NELL2: variants seen among roughly 807,000 people sequenced by gnomAD.
NELL2 encodes protein kinase C-binding protein NELL2.
A neutral mutation model predicts 109.6 loss-of-function variants in NELL2; 41 were observed. That is an observed-to-expected ratio of 0.37 (90% CI 0.29 to 0.49). The LOEUF (loss-of-function observed/expected upper bound fraction) is 0.49, where lower values mean the gene tolerates loss of function less well. Ranked by LOEUF, NELL2 falls within the 20% of genes least tolerant of loss-of-function variation. The pLI is 0.98. For synonymous variants in NELL2, 355 were observed against 344.7 expected (o/e 1.03, Z -0.33); for missense variants, 900 against 1,008.3 (o/e 0.89, Z 1.45).
intron 3 of NELL2, among the ~76,000 whole-genome samples, chr12:44,796,923 AATG>A (rs1429851725): frequency 1.3e-5 from 2 of 152,118 alleles, no homozygotes; most frequent in Non-Finnish European, 2.9e-5. Context: ...TATTATTCTT[AATG>A]ATGAGGCCAG....
intron 13 of NELL2, among the ~76,000 whole-genome samples, chr12:44,647,414 C>G (rs976581671): frequency 6.6e-6 from 1 of 152,296 alleles, no homozygotes; most frequent in South Asian, 2.1e-4. Context: ...TGAGATTTAG[C>G]TTTCTCATCT....
intron 2 of NELL2, among the ~76,000 whole-genome samples, chr12:44,850,614 G>A (rs2710453): frequency 0.85 from 129,053 of 152,122 alleles, 54,975 homozygotes; most frequent in Middle Eastern, 0.95. Context: ...AAAAGTTAAC[G>A]TCAGAAACAT....
chr12:44,672,249 C>T (rs1299578409), intron 12 of NELL2, among the ~76,000 whole-genome samples: 2 of 152,182 alleles, frequency 1.3e-5, no homozygotes, highest in Non-Finnish European at 2.9e-5. Context: ...GGAAGTGGGC[C>T]GCACAGCAGG....
intron 13 of NELL2, among the ~76,000 whole-genome samples, chr12:44,642,967 G>A (rs557554643): frequency 6.6e-6 from 1 of 152,234 alleles, no homozygotes; most frequent in Non-Finnish European, 1.5e-5. Context: ...AAAGCACGAA[G>A]ATACATACCC....
chr12:44,660,563 G>T (rs949909687), intron 13 of NELL2, among the ~76,000 whole-genome samples: 10 of 152,118 alleles, frequency 6.6e-5, no homozygotes, highest in African/African-American at 2.4e-4. Context: ...ATATTTTCAA[G>T]TATCCTTTGT....
intron 12 of NELL2, among the ~76,000 whole-genome samples, chr12:44,684,768 C>T (rs1948655717): frequency 6.6e-6 from 1 of 152,146 alleles, no homozygotes; most frequent in Non-Finnish European, 1.5e-5. Context: ...TTTGATTGCA[C>T]TGTGGTCTGA....
intron 12 of NELL2, among the ~76,000 whole-genome samples, chr12:44,703,471 G>A (rs1937670937): frequency 6.6e-6 from 1 of 152,128 alleles, no homozygotes; most frequent in Admixed American, 6.5e-5. Context: ...TGAAAAAAAA[G>A]AAGGCAATTT....
intron 15 of NELL2, among the ~76,000 whole-genome samples, chr12:44,547,713 T>G (rs926330346): frequency 6.6e-6 from 1 of 152,162 alleles, no homozygotes; most frequent in African/African-American, 2.4e-5. Context: ...AAGAAGATGG[T>G]CAAGGCAATC....
intron 1 of NELL2, among the ~76,000 whole-genome samples, chr12:44,912,075 G>A (rs1197817598): frequency 6.6e-6 from 1 of 151,892 alleles, no homozygotes; most frequent in African/African-American, 2.4e-5. Flanking sequence ...TGTGTTGGGG[G>A]AGGGTAGTAC....
intron 12 of NELL2, among the ~76,000 whole-genome samples, chr12:44,689,092 C>T (rs193056187): frequency 6.6e-6 from 1 of 152,242 alleles, no homozygotes; most frequent in East Asian, 1.9e-4. Flanking sequence ...TCAAAGTCTC[C>T]CCAATTACTT....
At chr12:44,820,002 C>A (rs549172608) in intron 2 of NELL2, among the ~76,000 whole-genome samples, 1 of 152,166 alleles carries the variant, frequency 6.6e-6, no homozygotes, top group East Asian at 1.9e-4. Context: ...TCAGGATGGT[C>A]TCCTCACCTG....
chr12:44,638,837 A>C (rs1946742271), intron 13 of NELL2, among the ~76,000 whole-genome samples: 1 of 152,200 alleles, frequency 6.6e-6, no homozygotes, highest in Admixed American at 6.5e-5. Flanking sequence ...ATAAATTGGC[A>C]TGAGTTAGAA....
At chr12:44,876,915 G>C (rs1315456446), upstream of NELL2, 2 of 1,246,262 alleles carry the variant, frequency 1.6e-6, no homozygotes, top group African/African-American at 1.5e-5. Context: ...TTCCCTGCCG[G>C]GGGCGGGGCG....
chr12:44,520,266 G>C, intron 18 of NELL2, 37 bp from the exon 19 acceptor site: 2 of 1,546,604 alleles, frequency 1.3e-6, no homozygotes, highest in Non-Finnish European at 1.8e-6. Flanking sequence ...CAGAGGGAGA[G>C]GGAGGAGGAA....
intron 15 of NELL2, among the ~76,000 whole-genome samples, chr12:44,552,171 T>C (rs566953723): frequency 1.3e-4 from 20 of 152,208 alleles, no homozygotes; most frequent in Admixed American, 2.6e-4. Flanking sequence ...AGTTGGCTCA[T>C]TGCATGTAAT....
At chr12:44,527,153 G>T (rs1941820962) in intron 16 of NELL2, among the ~76,000 whole-genome samples, 1 of 152,216 alleles carries the variant, frequency 6.6e-6, no homozygotes, top group African/African-American at 2.4e-5. Context: ...AAAATCAAAT[G>T]CTTTTCTCAA....
At chr12:44,747,192 C>T (rs568237233) in intron 9 of NELL2, among the ~76,000 whole-genome samples, 25 of 152,054 alleles carry the variant, frequency 1.6e-4, no homozygotes, top group African/African-American at 2.9e-4. Flanking sequence ...AGCGAACTAT[C>T]GCAAGGACAA....
At chr12:44,787,711 C>A (rs1942231275) in intron 3 of NELL2, among the ~76,000 whole-genome samples, 1 of 151,776 alleles carries the variant, frequency 6.6e-6, no homozygotes, top group Admixed American at 6.6e-5. Context: ...AAAAATATAG[C>A]TTTTTCAACA....
chr12:44,669,150 G>A (rs1008273456), intron 12 of NELL2, among the ~76,000 whole-genome samples: 9 of 152,134 alleles, frequency 5.9e-5, no homozygotes, highest in Non-Finnish European at 8.8e-5. Flanking sequence ...ATTATAGCCC[G>A]ATAAATCATA....
Sources: allele counts gnomAD v4.1 joint callset (sites outside exome capture counted in the v4.1 genomes callset), GRCh38; gene constraint gnomAD v4.1.1; transcripts MANE v1.5; gene names NCBI Gene and HGNC (gene_info 2026-07-23, HGNC 2026-07-21).